The following CASZ1 variants were observed in gnomAD, a reference collection of about 807,000 sequenced individuals.
CASZ1 encodes the protein zinc finger protein castor homolog 1.
In CASZ1, 28 loss-of-function variants were observed where a neutral mutation model predicts 135.2. That is an observed-to-expected ratio of 0.21 (90% CI 0.15 to 0.28). CASZ1 has a LOEUF of 0.28. Among genes scored for constraint, CASZ1 ranks in the 10% least tolerant of loss-of-function variants. The probability of loss-of-function intolerance (pLI) is 1.00; values close to 1 mark genes in which losing one functional copy is unlikely to be tolerated. For synonymous variants in CASZ1, 1,068 were observed against 1,073.4 expected, an observed-to-expected ratio of 0.99 and a Z score of 0.10; for missense variants, 2,161 against 2,453.3, an observed-to-expected ratio of 0.88 and a Z score of 2.52.
chr1:10,665,259 G>C lies in CASZ1; in HGVS notation c.329C>G (p.Ala110Gly). The change falls in exon 5 of 21, where the codon GCC (alanine) becomes GGC (glycine). Residue 110 changes from alanine to glycine, a missense_variant. This residue lies in a region of CASZ1 where 590 missense variants were observed against 609.8 expected (regional missense o/e 0.97). Transcript: ENST00000377022. ...GGGAGGCAGCTCCAGGCCCTCGCGG[G>C]CAATCCGCCCCAACACGGGTGTGGG... ...PAPTPVLGRIAREGLELPPEG... is the reference protein window; with the variant it reads ...PAPTPVLGRIGREGLELPPEG... 6.2e-7 allele frequency: 1 copy of C among 1,608,276 alleles called. No individual in the cohort carries two copies. Among genetic ancestry groups the C allele is most frequent in the Non-Finnish European group, 8.5e-7 (1 of 1,176,436 alleles).
rs1442103900 is a variant in CASZ1, at chr1:10,660,436, C to A, written c.606G>T (p.Arg202Ser). The A allele has an allele frequency of 1.2e-6, 2 of 1,614,184 alleles. No individual in the cohort carries two copies. The highest frequency in any genetic ancestry group is 2.2e-5 in the South Asian group (2 of 91,078). The change falls in exon 6 of 21, where the codon AGG becomes AGT. Residue 202 changes from arginine (R) to serine (S), a missense_variant. Physicochemically the swap from Arg to Ser is moderately radical, Grantham distance 110. Around this residue, in one of 7 missense-constraint regions of CASZ1, gnomAD observed 590 missense variants for 609.8 expected, o/e 0.97. Coordinates refer to ENST00000377022, the MANE Select transcript of CASZ1 (RefSeq NM_001079843.3). Reference protein sequence around the residue: ...DDQNTRDELARKISFEKLHAG... With the variant: ...DDQNTRDELASKISFEKLHAG... Reference sequence around the variant, plus strand: ...CGTGCAGCTTCTCAAAGCTGATCTTCCTGGCCAGCTCGTCCCGCGTGTTCT... The same window carrying A: ...CGTGCAGCTTCTCAAAGCTGATCTTACTGGCCAGCTCGTCCCGCGTGTTCT...
rs1491119294 is a variant in CASZ1, at chr1:10,666,785, A to AC, written c.17-1215dup. Among the ~76,000 whole-genome samples, 3 of 150,552 alleles carry AC rather than the reference A, an allele frequency of 2.0e-5. No homozygotes were observed. The highest frequency in any genetic ancestry group is 7.3e-5 in the African/African-American group (3 of 41,012). The stretch of plus-strand genomic sequence containing the variant: ...CTGCCACAAAGGCTGGCGAGGGTGG[A>AC]CACACACACACGCACACACACGCGT... On this transcript the variant is annotated intron_variant, in intron 4 of 20. Transcript: ENST00000377022. The surrounding 1 kb of genome is among the most constrained non-coding windows in gnomAD (Gnocchi z 5.2).
chr1:10,715,729 C>G (rs1357517567), intron 2 of CASZ1, among the ~76,000 whole-genome samples: 2 of 133,540 alleles, frequency 1.5e-5, no homozygotes, highest in Non-Finnish European at 1.6e-5. Context: ...CCGCTCCCCA[C>G]AGCACCCAAT....
Position 10,659,709 on chromosome 1 carries a change from T to A in CASZ1, c.1333A>T (p.Thr445Ser). Residue 445 changes from threonine (T) to serine (S), a missense_variant, in exon 6 of 21, where the codon ACT becomes TCT. Physicochemically the swap from Thr to Ser is moderately conservative, Grantham distance 58 (BLOSUM62 1). Around this residue, in one of 7 missense-constraint regions of CASZ1, gnomAD observed 248 missense variants for 410.8 expected, o/e 0.60. Coordinates refer to ENST00000377022, the MANE Select transcript of CASZ1 (RefSeq NM_001079843.3). ...GGGTGGGGAGCGCCTTACTTGACAG[T>A]GGAGACGGTCCCCGTGGTGATGGAG... is the stretch of plus-strand genomic sequence containing the variant. Reference protein sequence around the residue: ...TDSITTGTVSTVKNGLPTDKP... With the variant: ...TDSITTGTVSSVKNGLPTDKP... 6.2e-7 allele frequency: 1 copy of A among 1,613,046 alleles called. No homozygotes were observed.
Position 10,755,177 on chromosome 1 carries a change from G to GA in CASZ1, c.-77+5523dup, listed in dbSNP as rs1268653842. Among the ~76,000 whole-genome samples, 1 of 152,216 alleles carries GA rather than the reference G, an allele frequency of 6.6e-6. No homozygotes were observed. The highest frequency in any genetic ancestry group is 1.5e-5 in the Non-Finnish European group (1 of 68,030). On this transcript the variant is annotated intron_variant, in intron 2 of 20. Transcript: ENST00000377022. This position sits in a 1 kb window ranked among gnomAD's most constrained non-coding sequence, Gnocchi z 4.3. ...TCCCGCGGAAGGTGGGCAGCAAGGGGATCACTGGCCGCCTCATGCCTCAGG... is the reference window on the plus strand; with the variant it reads ...TCCCGCGGAAGGTGGGCAGCAAGGGGAATCACTGGCCGCCTCATGCCTCAGG...
chr1:10,656,621 G>A (rs202151295), intron 8 of CASZ1, 25 bp downstream of exon 8: 98 of 1,549,712 alleles, frequency 6.3e-5, no homozygotes, highest in Non-Finnish European at 7.9e-5. Context: ...GCGGAGAGGC[G>A]GAGCCCATCT....
rs151160364 is a variant in CASZ1, at chr1:10,647,125, G to A, written c.3497+676C>T. ...GGAGGGGGAGGGGAGGCTGGTGGGGGGGACGGAGAACAGTGCTGGGCCCCT... is the reference window on the plus strand; with the variant it reads ...GGAGGGGGAGGGGAGGCTGGTGGGGAGGACGGAGAACAGTGCTGGGCCCCT... On this transcript the variant is annotated intron_variant, in intron 16 of 20. Coordinates refer to ENST00000377022, the MANE Select transcript of CASZ1 (RefSeq NM_001079843.3). The surrounding 1 kb of genome is among the most constrained non-coding windows in gnomAD (Gnocchi z 4.9). 3.4e-3 allele frequency: 1,791 copies of A among 530,330 alleles called. 29 individuals are homozygous for A. In the African/African-American group the frequency reaches 0.034, roughly 10 times the overall value. 32.9% of individuals were successfully genotyped at this position (530,330 alleles called of 1,614,324 possible).
intron 1 of CASZ1, among the ~76,000 whole-genome samples, chr1:10,775,232 T>A (rs1640641949): frequency 1.3e-5 from 2 of 152,142 alleles, no homozygotes; most frequent in South Asian, 4.1e-4. Flanking sequence ...ACAAACCGGT[T>A]TGGATAAAAC....
chr1:10,665,371 C>A lies in CASZ1; in HGVS notation c.217G>T (p.Ala73Ser). 6.2e-7 allele frequency: 1 copy of A among 1,611,900 alleles called. No homozygotes were observed. Among genetic ancestry groups the A allele is most frequent in the Non-Finnish European group, 8.5e-7 (1 of 1,178,728 alleles). ...DQERSGPESG[A>S]ARAPRSEEDK... is the part of the protein sequence containing the mutation. ...TCCTCGCTGCGGGGGGCCCGGGCTGCCCCAGACTCAGGGCCACTGCGCTCT... is the reference window on the plus strand; with the variant it reads ...TCCTCGCTGCGGGGGGCCCGGGCTGACCCAGACTCAGGGCCACTGCGCTCT... Residue 73 changes from alanine (A) to serine (S), a missense_variant, in exon 5 of 21, where the codon GCA becomes TCA. Coordinates refer to ENST00000377022, the MANE Select transcript of CASZ1 (RefSeq NM_001079843.3).
intron 4 of CASZ1, among the ~76,000 whole-genome samples, chr1:10,677,814 GC>G (rs1293499993): frequency 6.6e-6 from 1 of 152,196 alleles, no homozygotes; most frequent in Non-Finnish European, 1.5e-5. Flanking sequence ...TACCACAAAG[GC>G]CCCCTGCTGC....
At position 10,762,249 on chromosome 1, in the gene CASZ1, C is replaced by T. The variant is rs1640392669; in HGVS notation, c.-233-1392G>A. 6.6e-6 allele frequency among the ~76,000 whole-genome samples: 1 copy of T among 151,766 alleles called. No homozygotes were observed. On this transcript the variant is annotated intron_variant, in intron 1 of 20. Coordinates refer to ENST00000377022, the MANE Select transcript of CASZ1 (RefSeq NM_001079843.3). This position sits in a 1 kb window ranked among gnomAD's most constrained non-coding sequence, Gnocchi z 4.1. ...GGGGGAGGCCATCAGGGGTGGACAG[C>T]ATCCACTGTCCAAGGCTTGGATCAG...
chr1:10,793,391 G>T (rs865949878), intron 1 of CASZ1, among the ~76,000 whole-genome samples: 14 of 152,048 alleles, frequency 9.2e-5, no homozygotes, highest in Admixed American at 2.6e-4. Context: ...TCGTAAGAAG[G>T]AAATAAAATG....
At chr1:10,653,138 C>A in intron 11 of CASZ1, 2 of 604,648 alleles carry the variant, frequency 3.3e-6, no homozygotes, top group South Asian at 1.8e-5. Flanking sequence ...CCATCGCCCC[C>A]AGCTCACAGA....
At position 10,794,003 on chromosome 1, in the gene CASZ1, G is replaced by A. The variant is rs990272513; in HGVS notation, c.-234+2561C>T. 6.6e-6 allele frequency among the ~76,000 whole-genome samples: 1 copy of A among 152,194 alleles called. No homozygotes were observed. The highest frequency in any genetic ancestry group is 2.4e-5 in the African/African-American group (1 of 41,456). ...ACCCGGCGCTTTGCGCTCGGGCGCC[G>A]AACGGCCCAGCGCCCCCTCCGGGCA... On this transcript the variant is annotated intron_variant, in intron 1 of 20. Transcript: ENST00000377022. The surrounding 1 kb of genome is among the most constrained non-coding windows in gnomAD (Gnocchi z 5.6).
At chr1:10,766,974 G>A (rs182728123) in intron 1 of CASZ1, among the ~76,000 whole-genome samples, 1 of 152,320 alleles carries the variant, frequency 6.6e-6, no homozygotes, top group Non-Finnish European at 1.5e-5. Context: ...AAGCGAGGGA[G>A]GGAAGGGCTT....
At chr1:10,737,394 G>A (rs1282498697) in intron 2 of CASZ1, among the ~76,000 whole-genome samples, 5 of 152,184 alleles carry the variant, frequency 3.3e-5, no homozygotes, top group Admixed American at 1.3e-4. Context: ...CCAGCCCACC[G>A]GAGCGGTGAA....
chr1:10,653,264 GC>G (rs1642657002), intron 11 of CASZ1, 112 bp downstream of exon 11: 1 of 1,099,448 alleles, frequency 9.1e-7, no homozygotes, highest in Admixed American at 1.8e-5. Context: ...GCAAGCAGGG[GC>G]CACACGGACA....
chr1:10,667,303 G>A (rs1383249580), intron 4 of CASZ1, among the ~76,000 whole-genome samples: 1 of 152,208 alleles, frequency 6.6e-6, no homozygotes, highest in Non-Finnish European at 1.5e-5. Flanking sequence ...ACGAGACAGG[G>A]TGACTCTAGC....
intron 1 of CASZ1, among the ~76,000 whole-genome samples, chr1:10,786,913 C>T (rs1640869555): frequency 6.6e-6 from 1 of 152,126 alleles, no homozygotes; most frequent in Non-Finnish European, 1.5e-5. Context: ...AACCCCAGCA[C>T]CACCCGCGAC....
Sources: allele counts gnomAD v4.1 joint callset (sites outside exome capture counted in the v4.1 genomes callset), GRCh38; gene constraint gnomAD v4.1.1; regional missense constraint gnomAD v4.1.1; non-coding constraint Gnocchi (gnomAD v3.1); transcripts MANE v1.5; gene names NCBI Gene and HGNC (gene_info 2026-07-23, HGNC 2026-07-21).